The following RADIL variants were observed in gnomAD, a reference collection of about 807,000 sequenced individuals.
The protein encoded by RADIL is Rap associating with DIL domain.
A neutral mutation model predicts 97.6 loss-of-function variants in RADIL; 99 were observed. The observed-to-expected ratio is 1.01, with a 90% CI of 0.86 to 1.20. The LOEUF is 1.20. Among genes scored for constraint, RADIL ranks in the 50% most tolerant of loss-of-function variants. RADIL has a pLI of 0.00. For synonymous variants in RADIL, 803 were observed against 691.8 expected (o/e 1.16, Z -2.52); for missense variants, 1,765 against 1,498.9 (o/e 1.18, Z -2.93).
chr7:4,819,043 T>C lies in RADIL; in HGVS notation c.1616-1692A>G, dbSNP rs559772358. On this transcript the variant is annotated intron_variant, in intron 6 of 14. Coordinates refer to ENST00000399583, the MANE Select transcript of RADIL (RefSeq NM_018059.5). This position sits in a 1 kb window ranked among gnomAD's most constrained non-coding sequence, Gnocchi z 5.8. ...AGGCATGCACCCCTGCACCCGGCCC[T>C]GAGACTCCATTTCTCTCTCTCTCTC... 1.3e-3 allele frequency among the ~76,000 whole-genome samples: 193 copies of C among 150,198 alleles called. 1 individual carries two copies. Among genetic ancestry groups the C allele is most frequent in the African/African-American group, 3.8e-3 (153 of 40,680 alleles).
Position 4,818,252 on chromosome 7 carries a change from AC to A in RADIL, c.1616-902del, listed in dbSNP as rs1157126842. Among the ~76,000 whole-genome samples the A allele has an allele frequency of 2.6e-5, 4 of 152,140 alleles. No homozygotes were observed. The highest frequency in any genetic ancestry group is 9.7e-5 in the African/African-American group (4 of 41,436). On this transcript the variant is annotated intron_variant, in intron 6 of 14. Coordinates refer to ENST00000399583, the MANE Select transcript of RADIL (RefSeq NM_018059.5). This position sits in a 1 kb window ranked among gnomAD's most constrained non-coding sequence, Gnocchi z 7.1. ...GGGCGGCGCCTGGTGAGCCAGGCCA[AC>A]ACTCACCCCAGCGCGGGCCTCCCAG...
intron 2 of RADIL, chr7:4,859,417 C>T (rs1423009789): frequency 6.4e-6 from 1 of 155,924 alleles, no homozygotes; most frequent in Non-Finnish European, 1.4e-5. Flanking sequence ...AAGGTTTTTT[C>T]ATTTTAAGGG....
At chr7:4,838,782 C>A (rs1443210995) in intron 2 of RADIL, among the ~76,000 whole-genome samples, 1 of 152,220 alleles carries the variant, frequency 6.6e-6, no homozygotes, top group Non-Finnish European at 1.5e-5. Context: ...ACAGAGCCTC[C>A]CTCTGAGTGC....
intron 2 of RADIL, among the ~76,000 whole-genome samples, chr7:4,871,109 G>T (rs1008328451): frequency 1.3e-5 from 2 of 152,174 alleles, no homozygotes; most frequent in Admixed American, 1.3e-4. Context: ...AAGGTTTGGG[G>T]TTGTTTTGCT....
rs1056311438 is a variant in RADIL at position 4,878,622 on chromosome 7, G to A, written c.-64-419C>T. Among the ~76,000 whole-genome samples the A allele has an allele frequency of 3.9e-5, 6 of 152,240 alleles. No homozygotes were observed. The highest frequency in any genetic ancestry group is 3.3e-4 in the Admixed American group (5 of 15,284). On this transcript the variant is annotated intron_variant, in intron 1 of 14. Coordinates refer to ENST00000399583, the MANE Select transcript of RADIL (RefSeq NM_018059.5). The surrounding 1 kb of genome is among the most constrained non-coding windows in gnomAD (Gnocchi z 4.1). ...AGCACCTGAGCAGAGGATGTGGCTG[G>A]AGCCTGCAGGGCCACCAGAGACCGA...
At chr7:4,820,310 G>T (rs965847434) in intron 6 of RADIL, among the ~76,000 whole-genome samples, 2 of 152,220 alleles carry the variant, frequency 1.3e-5, no homozygotes, top group African/African-American at 4.8e-5. Flanking sequence ...AGTCCCGGGA[G>T]CCCAGGAGCC....
chr7:4,799,504 G>T, intron 14 of RADIL, 21 bp from the exon 15 acceptor site: 6 of 1,613,730 alleles, frequency 3.7e-6, no homozygotes, highest in Non-Finnish European at 5.1e-6. Context: ...TGCCAGAGGT[G>T]GGGGTGGGCA....
intron 4 of RADIL, among the ~76,000 whole-genome samples, chr7:4,832,798 G>A (rs553978925): frequency 4.4e-4 from 67 of 151,596 alleles, no homozygotes; most frequent in Middle Eastern, 3.4e-3. Flanking sequence ...GTTATTATCC[G>A]GCTGAATGTA....
Position 4,816,245 on chromosome 7 carries a change from T to C in RADIL, c.1949A>G (p.Asn650Ser), listed in dbSNP as rs747955191. ...LFFFSGTLLL[N>S]QLLDRGPSLS... The stretch of plus-strand genomic sequence containing the variant: ...GCCCTCACCCCTGTCGAGGAGCTGG[T>C]TGAGAAGCAGTGTCCCGGAGAAGAA... The change falls in exon 8 of 15, where the codon AAC becomes AGC. Residue 650 changes from asparagine (N) to serine (S), a missense_variant. Asn to Ser is a conservative substitution (Grantham distance 46, BLOSUM62 1). Transcript: ENST00000399583. The C allele has an allele frequency of 4.3e-6, 7 of 1,611,048 alleles. No individual in the cohort carries two copies. The highest frequency in any genetic ancestry group is 2.7e-5 in the African/African-American group (2 of 74,878).
At position 4,799,319 on chromosome 7, in the gene RADIL, GC is replaced by G; in HGVS notation, c.*58del. 1 of 1,546,736 alleles carries G rather than the reference GC, an allele frequency of 6.5e-7. No homozygotes were observed. Among genetic ancestry groups the G allele is most frequent in the South Asian group, 1.1e-5 (1 of 89,412 alleles). ...AAAACAGGGACGAAGGCGGGAGGAA[GC>G]CCAGTGTCACCAGGTGGGACCGGGT... On this transcript the variant is annotated 3_prime_UTR_variant, in exon 15 of 15. Coordinates refer to ENST00000399583, the MANE Select transcript of RADIL (RefSeq NM_018059.5).
At position 4,883,442 on chromosome 7, in the gene RADIL, G is replaced by A. The variant is rs981792053; in HGVS notation, c.-65+154C>T. Among the ~76,000 whole-genome samples, 2 of 152,032 alleles carry A rather than the reference G, an allele frequency of 1.3e-5. No individual in the cohort carries two copies. The highest frequency in any genetic ancestry group is 4.8e-5 in the African/African-American group (2 of 41,424). On this transcript the variant is annotated intron_variant, in intron 1 of 14. Coordinates refer to ENST00000399583, the MANE Select transcript of RADIL (RefSeq NM_018059.5). The surrounding 1 kb of genome is among the most constrained non-coding windows in gnomAD (Gnocchi z 7.1). The stretch of plus-strand genomic sequence containing the variant: ...AGCCAGTCGGTTCCCATGGCAACTG[G>A]GCAAACCTGCCCTCCGCGCCCCGAC...
At chr7:4,847,423 G>A (rs773560717) in intron 2 of RADIL, among the ~76,000 whole-genome samples, 5 of 152,166 alleles carry the variant, frequency 3.3e-5, no homozygotes, top group Non-Finnish European at 7.3e-5. Flanking sequence ...CCATTGTGGA[G>A]AACAGCTTGT....
At position 4,803,772 on chromosome 7, in the gene RADIL, T is replaced by A; in HGVS notation, c.2291-18A>T. ...AACATCCTCTGCAGGGGAGAGAGGA[T>A]GCCCGTAATGGCCACAGGAGAAGCT... On this transcript the variant is annotated intron_variant, in intron 10 of 14. Transcript: ENST00000399583. 6.5e-7 allele frequency: 1 copy of A among 1,544,494 alleles called. No homozygotes were observed. The highest frequency in any genetic ancestry group is 1.2e-5 in the South Asian group (1 of 83,998).
At chr7:4,876,035 G>A (rs556967045) in intron 2 of RADIL, among the ~76,000 whole-genome samples, 3 of 152,262 alleles carry the variant, frequency 2.0e-5, no homozygotes, top group South Asian at 2.1e-4. Flanking sequence ...GTCTCACTCT[G>A]TTGCCTGGGC....
Position 4,824,784 on chromosome 7 carries a change from A to G in RADIL, c.1455-2230T>C, listed in dbSNP as rs1479630116. 2.0e-5 allele frequency among the ~76,000 whole-genome samples: 3 copies of G among 152,214 alleles called. No individual in the cohort carries two copies. The highest frequency in any genetic ancestry group is 4.4e-5 in the Non-Finnish European group (3 of 68,038). ...GACACGCATGTCTGCAGATGGGCAG[A>G]AGGAGCTTTTTATACAGTTAAAGAA... On this transcript the variant is annotated intron_variant, in intron 5 of 14. Transcript: ENST00000399583. The surrounding 1 kb of genome is among the most constrained non-coding windows in gnomAD (Gnocchi z 6.7).
intron 1 of RADIL, among the ~76,000 whole-genome samples, chr7:4,881,710 G>C (rs1407070005): frequency 2.0e-5 from 3 of 147,804 alleles, no homozygotes; most frequent in Non-Finnish European, 4.4e-5. Context: ...CTGGGCAACA[G>C]AGTGAGACTC....
rs550178201 is a variant in RADIL at position 4,865,374 on chromosome 7, T to A, written c.535+12231A>T. The stretch of plus-strand genomic sequence containing the variant: ...TCTTTTCTGTGTGGTTTTTTTTTGT[T>A]GTTGTTCCCAAGTTTTATTCAAGAA... On this transcript the variant is annotated intron_variant, in intron 2 of 14. Transcript: ENST00000399583. 301 of 603,500 alleles carry A rather than the reference T, an allele frequency of 5.0e-4. 2 individuals are homozygous for A. The highest frequency in any genetic ancestry group is 7.4e-4 in the Non-Finnish European group (246 of 331,396). 37.4% of individuals were successfully genotyped at this position (603,500 alleles called of 1,614,324 possible). A position where few individuals can be genotyped will look rare whatever the true frequency, so the allele number is the denominator to read the frequency against.
chr7:4,879,329 G>A lies in RADIL; in HGVS notation c.-64-1126C>T, dbSNP rs73054332. 1.3e-4 allele frequency among the ~76,000 whole-genome samples: 20 copies of A among 152,340 alleles called. No homozygotes were observed. The highest frequency in any genetic ancestry group is 2.2e-4 in the Non-Finnish European group (15 of 68,020). ...TTCTCAGTCTCCCTCCAGAACCTCT[G>A]TGGGGGCAGGAGGGCAGAGAAAAAG... On this transcript the variant is annotated intron_variant, in intron 1 of 14. Coordinates refer to ENST00000399583, the MANE Select transcript of RADIL (RefSeq NM_018059.5). This position sits in a 1 kb window ranked among gnomAD's most constrained non-coding sequence, Gnocchi z 4.1.
Position 4,814,421 on chromosome 7 carries a change from C to T in RADIL, c.2139+857G>A, listed in dbSNP as rs995336483. ...GCAACCTCTGCCTCGCGGGTTCAAG[C>T]GATTCGCCCTGTGGCCACTGTCACC... On this transcript the variant is annotated intron_variant, in intron 9 of 14. Transcript: ENST00000399583. The surrounding 1 kb of genome is among the most constrained non-coding windows in gnomAD (Gnocchi z 4.5). Among the ~76,000 whole-genome samples, 2 of 152,236 alleles carry T rather than the reference C, an allele frequency of 1.3e-5. No homozygotes were observed. The highest frequency in any genetic ancestry group is 1.9e-4 in the East Asian group (1 of 5,176).
Sources: gnomAD v4.1 joint callset for allele counts (sites outside exome capture counted in the v4.1 genomes callset) on GRCh38, gnomAD v4.1.1 for gene constraint, Gnocchi (gnomAD v3.1) non-coding constraint, MANE v1.5 for transcripts, NCBI Gene and HGNC (gene_info 2026-07-23, HGNC 2026-07-21) for gene names.